RPL23A: variants seen among roughly 807,000 people sequenced by gnomAD.
The protein encoded by RPL23A is ribosomal protein L23a, also known as large ribosomal subunit protein uL23.
RPL23A carries 2 observed loss-of-function variants against 17.6 expected under a neutral mutation model. The observed-to-expected ratio is 0.11, with a 90% CI of 0.05 to 0.36. The LOEUF is 0.36. Among genes scored for constraint, RPL23A ranks in the 10% least tolerant of loss-of-function variants. The pLI is 1.00. For synonymous variants in RPL23A, 65 were observed against 74.3 expected (o/e 0.87, Z 0.65); for missense variants, 132 against 194.4 (o/e 0.68, Z 1.91).
intron 1 of RPL23A, 118 bp downstream of exon 1, chr17:28,720,148 C>T (rs912998228): frequency 6.5e-6 from 10 of 1,529,748 alleles, no homozygotes; most frequent in African/African-American, 4.1e-5. Context: ...GGGGCTGCTC[C>T]CTGCGTTTCG....
In RPL23A at chr17:28,720,401, CCT is replaced by C. The variant is rs779558873; in HGVS notation, c.26-300_26-299del. The C allele has an allele frequency of 1.1e-5, 18 of 1,590,148 alleles. 1 individual carries two copies. The highest frequency in any genetic ancestry group is 6.8e-5 in the East Asian group (3 of 44,006). ...GTTCAACCGGGCTACATTACCCGCC[CCT>C]CTCTCCGCAGCGTGGTTTTGCGATG... is the stretch of plus-strand genomic sequence containing the variant. On this transcript the variant is annotated intron_variant, in intron 1 of 4. Coordinates refer to ENST00000422514, the MANE Select transcript of RPL23A (RefSeq NM_000984.6).
In RPL23A at chr17:28,721,354, C is replaced by CAA. The variant is rs200083924; in HGVS notation, c.209+476_209+477dup. On this transcript the variant is annotated intron_variant, in intron 2 of 4. Transcript: ENST00000422514. Reference sequence around the variant, plus strand: ...GGGCAATAAGAGTGAAACTCTGTCTCAAAAAAAAAAAAACCCTGAGTCTCT... The same window carrying CAA: ...GGGCAATAAGAGTGAAACTCTGTCTCAAAAAAAAAAAAAAACCCTGAGTCTCT... 3.2e-4 allele frequency: 44 copies of CAA among 138,734 alleles called. 2 individuals are homozygous for CAA. The South Asian group carries it at 5.2e-3, about 16-fold the overall frequency. 8.6% of individuals were successfully genotyped at this position (138,734 alleles called of 1,614,324 possible).
In RPL23A at chr17:28,724,119, C is replaced by G. The variant is rs1395743495; in HGVS notation, c.*238C>G. The G allele has an allele frequency of 7.8e-6, 4 of 512,936 alleles. No homozygotes were observed. Among genetic ancestry groups the G allele is most frequent in the Non-Finnish European group, 1.0e-5 (3 of 296,478 alleles). The allele number at this position is 512,936 out of a possible 1,614,324, so 31.8% of individuals were successfully genotyped here. On this transcript the variant is annotated 3_prime_UTR_variant, in exon 5 of 5. Transcript: ENST00000422514. ...AGTTAGTGTCCTAGGAAAACCAGAA[C>G]TCAGAACTTGCCTCCATGGTTGAGT...
At chr17:28,721,121 G>C (rs1057421190) in intron 2 of RPL23A, 17 of 420,910 alleles carry the variant, frequency 4.0e-5, no homozygotes, top group Non-Finnish European at 6.2e-5. Flanking sequence ...GGAGGCCGAG[G>C]GGGGGCGGAT....
rs1477849041 is a variant in RPL23A, at chr17:28,723,978, C to G, written c.*97C>G. 1.3e-6 allele frequency: 1 copy of G among 788,642 alleles called. No individual in the cohort carries two copies. The highest frequency in any genetic ancestry group is 2.0e-6 in the Non-Finnish European group (1 of 497,706). 48.9% of individuals were successfully genotyped at this position (788,642 alleles called of 1,614,324 possible). A position where few individuals can be genotyped will look rare whatever the true frequency, so the allele number is the denominator to read the frequency against. ...AATTTCTGGTTGGGCTGGGAGGCCA[C>G]ACACACACACTGACATGACAGGGCT... On this transcript the variant is annotated 3_prime_UTR_variant, in exon 5 of 5. Coordinates refer to ENST00000422514, the MANE Select transcript of RPL23A (RefSeq NM_000984.6).
At chr17:28,723,343 G>A (rs904526782) in intron 3 of RPL23A, 8 of 734,678 alleles carry the variant, frequency 1.1e-5, no homozygotes, top group Non-Finnish European at 2.0e-5. Flanking sequence ...AGTGCGACAC[G>A]TGGCAGATTA....
rs779310225 is a variant in RPL23A at position 28,723,645 on chromosome 17, G to A, written c.456+5G>A. On this transcript the variant is annotated splice_donor_5th_base_variant and intron_variant, in intron 4 of 4. Transcript: ENST00000422514. ...GCTTTGGATGTTGCCAACAAAGTAA[G>A]TTTCCTTCCTACAAACCCCTTAATG... 1 of 1,613,486 alleles carries A rather than the reference G, an allele frequency of 6.2e-7. No individual in the cohort carries two copies. The highest frequency in any genetic ancestry group is 1.7e-5 in the Admixed American group (1 of 60,012).
Position 28,723,914 on chromosome 17 carries a change from T to C in RPL23A, c.*33T>C. 1 of 1,461,492 alleles carries C rather than the reference T, an allele frequency of 6.8e-7. No individual in the cohort carries two copies. The highest frequency in any genetic ancestry group is 1.2e-5 in the South Asian group (1 of 80,744). The allele number at this position is 1,461,492 out of a possible 1,614,324, so 90.5% of individuals were successfully genotyped here. ...CCAGCTGCCTAATTCTGAATATATA[T>C]ATATATATATCTTTTCACCATATAC... On this transcript the variant is annotated 3_prime_UTR_variant, in exon 5 of 5. Transcript: ENST00000422514.
chr17:28,720,971 G>GA, intron 2 of RPL23A, 81 bp downstream of exon 2: 1 of 1,268,026 alleles, frequency 7.9e-7, no homozygotes, highest in Non-Finnish European at 1.1e-6. Flanking sequence ...TCTGCGTGAT[G>GA]GTTTCTCAAA....
chr17:28,722,958 A>G, intron 3 of RPL23A, 59 bp downstream of exon 3: 2 of 1,407,220 alleles, frequency 1.4e-6, no homozygotes, highest in Non-Finnish European at 1.0e-6. Flanking sequence ...AGCCAAAAAA[A>G]CCTGCATTCC....
In RPL23A at chr17:28,720,173, T is replaced by TACGTGGGCC. The variant is rs1337661473; in HGVS notation, c.25+144_25+152dup. 5 of 1,528,606 alleles carry TACGTGGGCC rather than the reference T, an allele frequency of 3.3e-6. No homozygotes were observed. The African/African-American group carries it at 6.9e-5, about 21-fold the overall frequency. The allele number at this position is 1,528,606 out of a possible 1,614,324, so 94.7% of individuals were successfully genotyped here. A position where few individuals can be genotyped will look rare whatever the true frequency, so the allele number is the denominator to read the frequency against. On this transcript the variant is annotated intron_variant, in intron 1 of 4. Transcript: ENST00000422514. ...CCTGCGTTTCGGACACGCTGCAGTA[T>TACGTGGGCC]ACGTGGGCCGCGTGGGCCCAGCCTC...
At position 28,723,679 on chromosome 17, in the gene RPL23A, T is replaced by C. The variant is rs201539217; in HGVS notation, c.456+39T>C. 107 of 1,574,162 alleles carry C rather than the reference T, an allele frequency of 6.8e-5. No homozygotes were observed. In the East Asian group the frequency reaches 2.3e-3, roughly 34 times the overall value. ...CTACAAACCCCTTAATGCTCACCCCTTGGGTGCAAATGATGCATATGTTAG... is the reference window on the plus strand; with the variant it reads ...CTACAAACCCCTTAATGCTCACCCCCTGGGTGCAAATGATGCATATGTTAG... On this transcript the variant is annotated intron_variant, in intron 4 of 4. Transcript: ENST00000422514.
chr17:28,722,039 A>G (rs2034123572), intron 2 of RPL23A: 1 of 151,940 alleles, frequency 6.6e-6, no homozygotes, highest in African/African-American at 2.4e-5. Context: ...AGGTCAGGAG[A>G]TTGAGACCAT....
At chr17:28,720,545 G>A in intron 1 of RPL23A, 162 bp from the exon 2 acceptor site, 1 of 1,411,246 alleles carries the variant, frequency 7.1e-7, no homozygotes, top group Non-Finnish European at 1.0e-6. Context: ...TTCGCCTCTG[G>A]TATCGTGCAT....
intron 2 of RPL23A, 189 bp from the exon 3 acceptor site, chr17:28,722,534 C>T: frequency 2.7e-6 from 2 of 751,190 alleles, no homozygotes; most frequent in Non-Finnish European, 5.0e-6. Context: ...AAAGAAAATG[C>T]ACAACGTTCT....
At position 28,721,119 on chromosome 17, in the gene RPL23A, A is replaced by AG. The variant is rs371943513; in HGVS notation, c.209+236dup. The AG allele has an allele frequency of 2.6e-3, 1,115 of 421,794 alleles. 2 individuals are homozygous for AG. Among genetic ancestry groups the AG allele is most frequent in the African/African-American group, 0.016 (777 of 49,178 alleles). The allele number at this position is 421,794 out of a possible 1,614,324, so 26.1% of individuals were successfully genotyped here. ...GTAATCCCAGCACTTTGGGAGGCCG[A>AG]GGGGGGGCGGATCACTTGAGGTCAG... On this transcript the variant is annotated intron_variant, in intron 2 of 4. Coordinates refer to ENST00000422514, the MANE Select transcript of RPL23A (RefSeq NM_000984.6).
intron 4 of RPL23A, 48 bp downstream of exon 4, chr17:28,723,688 A>G (rs2034157569): frequency 1.3e-6 from 2 of 1,532,846 alleles, no homozygotes; most frequent in East Asian, 2.2e-5. Flanking sequence ...CTTGGGTGCA[A>G]ATGATGCATA....
rs571100823 is a variant in RPL23A, at chr17:28,724,247, T to C, written c.*366T>C. ...AGCATCCATTTCAGGGGAGTGTGGATTGGCTGGCTCTCTGGTAGCATTTTG... is the reference window on the plus strand; with the variant it reads ...AGCATCCATTTCAGGGGAGTGTGGACTGGCTGGCTCTCTGGTAGCATTTTG... On this transcript the variant is annotated 3_prime_UTR_variant, in exon 5 of 5. Coordinates refer to ENST00000422514, the MANE Select transcript of RPL23A (RefSeq NM_000984.6). 80 of 544,950 alleles carry C rather than the reference T, an allele frequency of 1.5e-4. No homozygotes were observed. The East Asian group carries it at 2.4e-3, about 16-fold the overall frequency. 33.8% of individuals were successfully genotyped at this position (544,950 alleles called of 1,614,324 possible).
intron 1 of RPL23A, 92 bp from the exon 2 acceptor site, chr17:28,720,615 A>ATCAGTGGTT: frequency 7.0e-7 from 1 of 1,424,288 alleles, no homozygotes; most frequent in Non-Finnish European, 9.9e-7. Flanking sequence ...CCACTGATGC[A>ATCAGTGGTT]CCTGTGGCCA....
Sources: allele counts gnomAD v4.1 joint callset, GRCh38; gene constraint gnomAD v4.1.1; transcripts MANE v1.5; gene names NCBI Gene and HGNC (gene_info 2026-07-23, HGNC 2026-07-21).